Variants in IKZF5 observed in about 807,000 individuals in gnomAD.
IKZF5 encodes the protein zinc finger protein Pegasus.
In IKZF5, 4 loss-of-function variants were observed where a neutral mutation model predicts 30.7. That is an observed-to-expected ratio of 0.13 (90% CI 0.06 to 0.30). IKZF5 has a LOEUF of 0.30. Ranked by LOEUF, IKZF5 falls within the 10% of genes least tolerant of loss-of-function variation. The probability of loss-of-function intolerance (pLI) is 1.00; values close to 1 mark genes in which losing one functional copy is unlikely to be tolerated. For missense variants in IKZF5, 348 were observed against 525.5 expected, an observed-to-expected ratio of 0.66 and a Z score of 3.30; for synonymous variants, 148 against 179.6, an observed-to-expected ratio of 0.82 and a Z score of 1.41.
At chr10:123,006,006 T>A (rs1383143769) in intron 2 of IKZF5, among the ~76,000 whole-genome samples, 1 of 152,186 alleles carries the variant, frequency 6.6e-6, no homozygotes, top group Admixed American at 6.5e-5. Context: ...ATTATTCTGA[T>A]TAAAGTTAAG....
rs1357375658 is a variant in IKZF5 at position 122,991,930 on chromosome 10, T to C, written c.*1850A>G. 1 of 152,196 alleles carries C rather than the reference T, an allele frequency of 6.6e-6. No individual in the cohort carries two copies. The highest frequency in any genetic ancestry group is 1.5e-5 in the Non-Finnish European group (1 of 68,016). 9.4% of individuals were successfully genotyped at this position (152,196 alleles called of 1,614,324 possible). On this transcript the variant is annotated 3_prime_UTR_variant, in exon 5 of 5. Coordinates refer to ENST00000368886, the MANE Select transcript of IKZF5 (RefSeq NM_001372123.1). ...TCATTTTCTATTTTGGGGTACTGCT[T>C]TTATCTGAAGAATAAAAATGGGAAA...
chr10:123,002,398 T>C (rs1404450553), intron 2 of IKZF5, among the ~76,000 whole-genome samples: 2 of 150,906 alleles, frequency 1.3e-5, no homozygotes, highest in East Asian at 3.9e-4. Flanking sequence ...CAGGCGCCTG[T>C]AATCCCTGCT....
rs1849235775 is a variant in IKZF5 at position 122,993,443 on chromosome 10, CA to C, written c.*336del. 5.8e-6 allele frequency: 1 copy of C among 172,576 alleles called. No individual in the cohort carries two copies. The highest frequency in any genetic ancestry group is 1.8e-4 in the South Asian group (1 of 5,510). 10.7% of individuals were successfully genotyped at this position (172,576 alleles called of 1,614,324 possible). ...TCCAGTTCAATGCATATTGAAACAT[CA>C]AAAGTATGGATAAGCCTTGAAGTTT... is the stretch of plus-strand genomic sequence containing the variant. On this transcript the variant is annotated 3_prime_UTR_variant, in exon 5 of 5. Transcript: ENST00000368886.
chr10:122,994,260 C>T lies in IKZF5; in HGVS notation c.780G>A (p.Gly260=), dbSNP rs1371275262. The part of the protein sequence containing the change: ...NPLNQLSTLA[G]QLSSLPPENQ... ...TTTCGGGTGGCAGACTGGACAACTG[C>T]CCTGCTAGAGTCGAGAGCTGATTCA... is the stretch of plus-strand genomic sequence containing the variant. Residue 260 remains glycine, a synonymous_variant, in exon 5 of 5, where the codon GGG becomes GGA. Transcript: ENST00000368886. The surrounding 1 kb of genome is among the most constrained non-coding windows in gnomAD (Gnocchi z 5.6). 3 of 1,613,838 alleles carry T rather than the reference C, an allele frequency of 1.9e-6. No individual in the cohort carries two copies. The highest frequency in any genetic ancestry group is 2.5e-6 in the Non-Finnish European group (3 of 1,179,992).
In IKZF5 at chr10:123,004,206, G is replaced by A. The variant is rs112618079; in HGVS notation, c.-47+2820C>T. On this transcript the variant is annotated intron_variant, in intron 2 of 4. Coordinates refer to ENST00000368886, the MANE Select transcript of IKZF5 (RefSeq NM_001372123.1). The stretch of plus-strand genomic sequence containing the variant: ...CTGTATAGCCCTACAGATTGTCTGC[G>A]TTCTAATTATAAAAGCTATAATTAA... Among the ~76,000 whole-genome samples the A allele has an allele frequency of 7.7e-3, 1,169 of 151,854 alleles. 11 individuals carry two copies. The highest frequency in any genetic ancestry group is 0.026 in the African/African-American group (1,070 of 41,408).
intron 3 of IKZF5, among the ~76,000 whole-genome samples, chr10:122,997,994 T>C (rs1414350784): frequency 6.6e-6 from 1 of 152,204 alleles, no homozygotes; most frequent in Non-Finnish European, 1.5e-5. Context: ...TCCAGTTTTT[T>C]GTGGCAAGCA....
intron 1 of IKZF5, among the ~76,000 whole-genome samples, chr10:123,008,095 C>T (rs569980948): frequency 1.2e-4 from 18 of 152,272 alleles, no homozygotes; most frequent in Non-Finnish European, 2.4e-4. Context: ...CCCGAATGAA[C>T]CTGAATAGTT....
At chr10:122,999,291 C>T (rs1849500991) in intron 2 of IKZF5, among the ~76,000 whole-genome samples, 1 of 152,168 alleles carries the variant, frequency 6.6e-6, no homozygotes, top group South Asian at 2.1e-4. Flanking sequence ...ATACATATGA[C>T]CTGAGTTTTT....
intron 2 of IKZF5, 149 bp from the exon 3 acceptor site, chr10:122,998,820 C>A (rs1005415974): frequency 1.3e-5 from 5 of 379,672 alleles, no homozygotes; most frequent in East Asian, 7.7e-5. Context: ...TAAAGACATA[C>A]ACAAAATGGT....
At position 123,008,766 on chromosome 10, in the gene IKZF5, CG is replaced by C; in HGVS notation, c.-271del. 1 of 607,634 alleles carries C rather than the reference CG, an allele frequency of 1.6e-6. No homozygotes were observed. Among genetic ancestry groups the C allele is most frequent in the East Asian group, 2.8e-5 (1 of 36,152 alleles). The allele number at this position is 607,634 out of a possible 1,614,324, so 37.6% of individuals were successfully genotyped here. On this transcript the variant is annotated 5_prime_UTR_variant, in exon 1 of 5. It introduces an in-frame stop codon into an upstream open reading frame of the 5' UTR. Transcript: ENST00000368886. Reference sequence around the variant, plus strand: ...TCGCCGCCGCCGCCGTCTTCGTCACCGTCACAGTCGCCGCCGCCATCTTTGT... The same window carrying C: ...TCGCCGCCGCCGCCGTCTTCGTCACCTCACAGTCGCCGCCGCCATCTTTGT...
intron 2 of IKZF5, among the ~76,000 whole-genome samples, chr10:123,004,780 T>A (rs1035636082): frequency 6.6e-6 from 1 of 152,152 alleles, no homozygotes; most frequent in Non-Finnish European, 1.5e-5. Flanking sequence ...TGTCATTTCG[T>A]CCCTAAGCAT....
rs1361231381 is a variant in IKZF5 at position 122,994,170 on chromosome 10, C to A, written c.870G>T (p.Gln290His). ...CAGAAACTACTGCTTGGGTAGAGGGCTGCTGAATCATGAAAGGCTTTTCAT... is the reference window on the plus strand; with the variant it reads ...CAGAAACTACTGCTTGGGTAGAGGGATGCTGAATCATGAAAGGCTTTTCAT... ...CPDEKPFMIQ[Q>H]PSTQAVVSAV... The change falls in exon 5 of 5, where the codon CAG becomes CAT. Residue 290 changes from glutamine to histidine, a missense_variant. Gln to His is a conservative substitution (Grantham distance 24, BLOSUM62 0). This residue lies in a region of IKZF5 where 176 missense variants were observed against 198.2 expected (regional missense o/e 0.89). Transcript: ENST00000368886. The surrounding 1 kb of genome is among the most constrained non-coding windows in gnomAD (Gnocchi z 5.6). 1.2e-6 allele frequency: 2 copies of A among 1,614,116 alleles called. No homozygotes were observed. Among genetic ancestry groups the A allele is most frequent in the African/African-American group, 2.7e-5 (2 of 75,008 alleles).
intron 2 of IKZF5, among the ~76,000 whole-genome samples, chr10:123,004,600 T>G (rs1031581469): frequency 1.3e-5 from 2 of 148,510 alleles, no homozygotes; most frequent in African/African-American, 5.0e-5. Flanking sequence ...AATTGTGTGC[T>G]GCTTTTCAAC....
chr10:123,004,415 A>C (rs1164281003), intron 2 of IKZF5, among the ~76,000 whole-genome samples: 1 of 152,078 alleles, frequency 6.6e-6, no homozygotes, highest in Middle Eastern at 3.2e-3. Flanking sequence ...GTGACAGTGC[A>C]GTAAAAACAC....
At position 122,993,925 on chromosome 10, in the gene IKZF5, T is replaced by C. The variant is rs769871385; in HGVS notation, c.1115A>G (p.Tyr372Cys). 6.2e-7 allele frequency: 1 copy of C among 1,614,174 alleles called. No individual in the cohort carries two copies. The highest frequency in any genetic ancestry group is 8.5e-7 in the Non-Finnish European group (1 of 1,180,030). ...AGTGTAAAGGATGTTGTCTGCAAAGTACATATCACAGTGCTGGCAGTGGTG... is the reference window on the plus strand; with the variant it reads ...AGTGTAAAGGATGTTGTCTGCAAAGCACATATCACAGTGCTGGCAGTGGTG... ...LLHHCQHCDMYFADNILYTIH... is the reference protein window; with the variant it reads ...LLHHCQHCDMCFADNILYTIH... The change falls in exon 5 of 5, where the codon TAC becomes TGC. Residue 372 changes from tyrosine (Y) to cysteine (C), a missense_variant. Tyr to Cys is a radical substitution (Grantham distance 194). Transcript: ENST00000368886.
chr10:123,006,974 A>G (rs1589725410), intron 2 of IKZF5, 52 bp downstream of exon 2: 1 of 152,362 alleles, frequency 6.6e-6, no homozygotes, highest in East Asian at 1.9e-4. Flanking sequence ...AAAATAAAAC[A>G]TAAGTAAAAC....
At chr10:123,007,249 G>C (rs74387703) in intron 1 of IKZF5, 73 bp from the exon 2 acceptor site, 1 of 152,318 alleles carries the variant, frequency 6.6e-6, no homozygotes, top group East Asian at 1.9e-4. Flanking sequence ...TCTACAGGTT[G>C]AATGAGCTAG....
At chr10:123,006,051 G>A (rs1849768587) in intron 2 of IKZF5, among the ~76,000 whole-genome samples, 2 of 152,256 alleles carry the variant, frequency 1.3e-5, no homozygotes, top group African/African-American at 4.8e-5. Flanking sequence ...GGGTGTAGGT[G>A]GATATCTATA....
At chr10:123,002,061 C>T (rs569275354) in intron 2 of IKZF5, among the ~76,000 whole-genome samples, 1 of 152,294 alleles carries the variant, frequency 6.6e-6, no homozygotes, top group East Asian at 1.9e-4. Context: ...ATCTTATTTT[C>T]GTACTTCTTG....
Sources: gnomAD v4.1 joint callset for allele counts (sites outside exome capture counted in the v4.1 genomes callset) on GRCh38, gnomAD v4.1.1 for gene constraint, gnomAD v4.1.1 regional missense constraint, Gnocchi (gnomAD v3.1) non-coding constraint, MANE v1.5 for transcripts, NCBI Gene and HGNC (gene_info 2026-07-23, HGNC 2026-07-21) for gene names.